Variants in GMEB1 observed in about 807,000 individuals in gnomAD.
GMEB1 encodes glucocorticoid modulatory element-binding protein 1.
Under a neutral mutation model 52.4 loss-of-function variants are expected in GMEB1, and 6 were observed. The ratio of observed to expected loss-of-function variants is 0.11; its 90% CI spans 0.06 to 0.23. The LOEUF is 0.23. GMEB1 is among the 10% of genes least tolerant of loss of function. The pLI is 1.00. For synonymous variants in GMEB1, 255 were observed against 244.9 expected (o/e 1.04, Z -0.38); for missense variants, 486 against 685.6 (o/e 0.71, Z 3.25).
chr1:28,683,532 T>G (rs1352017329), intron 1 of GMEB1, 51 bp from the exon 2 acceptor site: 1 of 1,454,264 alleles, frequency 6.9e-7, no homozygotes, highest in African/African-American at 1.4e-5. Flanking sequence ...CCCGGCCTGT[T>G]GACATCTTTT....
chr1:28,698,755 G>A (rs1468442328), intron 6 of GMEB1, among the ~76,000 whole-genome samples: 2 of 151,834 alleles, frequency 1.3e-5, no homozygotes, highest in East Asian at 1.9e-4. Context: ...AGGCTGAGGC[G>A]GGAGGATCAC....
In GMEB1 at chr1:28,674,882, C is replaced by T. The variant is rs1669076505; in HGVS notation, c.-31+6043C>T. 2.8e-5 allele frequency among the ~76,000 whole-genome samples: 4 copies of T among 144,160 alleles called. No homozygotes were observed. The South Asian group carries it at 8.8e-4, about 32-fold the overall frequency. 94.6% of individuals were successfully genotyped at this position (144,160 alleles called of 152,430 possible). On this transcript the variant is annotated intron_variant, in intron 1 of 9. Coordinates refer to ENST00000373816, the MANE Select transcript of GMEB1 (RefSeq NM_001319674.2). Reference sequence around the variant, plus strand: ...TACAGGCGCCCGCCACTACGCCCGGCTAATTTTTTGTATTTTTAGTAGAGA... The same window carrying T: ...TACAGGCGCCCGCCACTACGCCCGGTTAATTTTTTGTATTTTTAGTAGAGA...
At position 28,714,472 on chromosome 1, in the gene GMEB1, T is replaced by C. The variant is rs1417867796; in HGVS notation, c.1391T>C (p.Leu464Pro). The C allele has an allele frequency of 6.2e-7, 1 of 1,614,096 alleles. No individual in the cohort carries two copies. Among genetic ancestry groups the C allele is most frequent in the Non-Finnish European group, 8.5e-7 (1 of 1,180,026 alleles). ...TIHPSSSLAL[L>P]SSTAMQDGST... ...CACCCTTCATCTAGCTTGGCGCTGCTGAGCTCTACTGCCATGCAGGATGGG... is the reference window on the plus strand; with the variant it reads ...CACCCTTCATCTAGCTTGGCGCTGCCGAGCTCTACTGCCATGCAGGATGGG... The change falls in exon 10 of 10, where the codon CTG (leucine) becomes CCG (proline). Residue 464 changes from leucine (L) to proline (P), a missense_variant. Leu to Pro is a moderately conservative substitution (Grantham distance 98). Coordinates refer to ENST00000373816, the MANE Select transcript of GMEB1 (RefSeq NM_001319674.2).
At chr1:28,694,786 C>T (rs535281654) in intron 5 of GMEB1, among the ~76,000 whole-genome samples, 50 of 151,932 alleles carry the variant, frequency 3.3e-4, no homozygotes, top group African/African-American at 1.1e-3. Context: ...GCCTCAGCTT[C>T]CTGTGTAGCT....
In GMEB1 at chr1:28,704,278, C is replaced by A. The variant is rs1288193016; in HGVS notation, c.817C>A (p.Leu273Ile). The part of the protein sequence containing the change: ...VCNIQKEIEE[L>I]LRGVQQRLIQ... ...CAATATACAGAAGGAAATAGAGGAG[C>A]TACTCAGGGGAGTTCAGCAGCGGCT... Residue 273 changes from leucine to isoleucine, a missense_variant, in exon 8 of 10, where the codon CTA (leucine) becomes ATA (isoleucine). Transcript: ENST00000373816. 6 of 1,613,750 alleles carry A rather than the reference C, an allele frequency of 3.7e-6. No homozygotes were observed. Among genetic ancestry groups the A allele is most frequent in the East Asian group, 4.5e-5 (2 of 44,868 alleles).
intron 1 of GMEB1, among the ~76,000 whole-genome samples, chr1:28,672,141 G>T (rs533481780): frequency 8.3e-4 from 125 of 150,644 alleles, no homozygotes; most frequent in African/African-American, 2.8e-3. Context: ...ATATTTTGGG[G>T]TTAGAAAATT....
intron 1 of GMEB1, among the ~76,000 whole-genome samples, chr1:28,670,516 C>T (rs1265828338): frequency 6.6e-6 from 1 of 152,116 alleles, no homozygotes; most frequent in African/African-American, 2.4e-5. Context: ...TTAATAGAGA[C>T]GGGGTTTCAC....
intron 8 of GMEB1, 60 bp from the exon 9 acceptor site, chr1:28,710,460 A>G (rs1185608819): frequency 2.2e-6 from 3 of 1,379,560 alleles, no homozygotes; most frequent in East Asian, 2.6e-5. Flanking sequence ...AAACAGCACA[A>G]TGGAGAGTGG....
At chr1:28,684,781 A>G (rs1358824152) in intron 2 of GMEB1, among the ~76,000 whole-genome samples, 4 of 152,070 alleles carry the variant, frequency 2.6e-5, no homozygotes, top group African/African-American at 7.2e-5. Context: ...GGACGAGTCA[A>G]TAGGTGCAGC....
At chr1:28,672,519 G>A (rs182228216) in intron 1 of GMEB1, among the ~76,000 whole-genome samples, 3 of 151,300 alleles carry the variant, frequency 2.0e-5, no homozygotes, top group Non-Finnish European at 4.4e-5. Context: ...CACCACGCCC[G>A]GCCTACTTTT....
intron 2 of GMEB1, among the ~76,000 whole-genome samples, chr1:28,686,676 C>A (rs973726496): frequency 3.4e-5 from 5 of 146,858 alleles, no homozygotes; most frequent in South Asian, 2.2e-4. Context: ...AGAATGTATT[C>A]TTTTAAGAGA....
At chr1:28,709,844 T>A (rs1670963907) in intron 8 of GMEB1, among the ~76,000 whole-genome samples, 1 of 152,148 alleles carries the variant, frequency 6.6e-6, no homozygotes, top group Non-Finnish European at 1.5e-5. Context: ...CCACCGCTCC[T>A]GGCCTTAAAA....
In GMEB1 at chr1:28,714,234, C is replaced by T. The variant is rs763976493; in HGVS notation, c.1153C>T (p.Pro385Ser). Residue 385 changes from proline to serine, a missense_variant, in exon 10 of 10, where the codon CCT becomes TCT. Coordinates refer to ENST00000373816, the MANE Select transcript of GMEB1 (RefSeq NM_001319674.2). ...CTCCACCACTGTCTTGAGCCCTTCT[C>T]CTCCTGTCCAGCAGCCTCAGTTCAC... is the stretch of plus-strand genomic sequence containing the variant. The part of the protein sequence containing the change: ...PASTTVLSPS[P>S]PVQQPQFTVI... 4 of 1,614,182 alleles carry T rather than the reference C, an allele frequency of 2.5e-6. No homozygotes were observed. In the South Asian group the frequency reaches 3.3e-5, roughly 13 times the overall value.
intron 1 of GMEB1, among the ~76,000 whole-genome samples, chr1:28,681,175 T>C (rs1028890242): frequency 8.5e-5 from 13 of 152,084 alleles, no homozygotes; most frequent in African/African-American, 2.9e-4. Context: ...GAACACAAAC[T>C]CAAACCTAGT....
chr1:28,706,373 G>C (rs1374852764), intron 8 of GMEB1, among the ~76,000 whole-genome samples: 1 of 152,020 alleles, frequency 6.6e-6, no homozygotes, highest in Non-Finnish European at 1.5e-5. Flanking sequence ...GGGAGGCTAA[G>C]GCAGGTGGAT....
chr1:28,669,020 A>C (rs2124428410), intron 1 of GMEB1, among the ~76,000 whole-genome samples, 181 bp downstream of exon 1: 2 of 126,772 alleles, frequency 1.6e-5, no homozygotes, highest in South Asian at 2.8e-4. Flanking sequence ...GAGCGAGCGG[A>C]CGTCGCGGCG....
Position 28,704,276 on chromosome 1 carries a change from A to G in GMEB1, c.815A>G (p.Glu272Gly). 2 of 1,613,848 alleles carry G rather than the reference A, an allele frequency of 1.2e-6. No homozygotes were observed. Among genetic ancestry groups the G allele is most frequent in the South Asian group, 1.1e-5 (1 of 91,054 alleles). Residue 272 changes from glutamate to glycine, a missense_variant, in exon 8 of 10, where the codon GAG (glutamate) becomes GGG (glycine). This residue lies in a region of GMEB1 where 200 missense variants were observed against 253.5 expected (regional missense o/e 0.79). Transcript: ENST00000373816. ...TGCAATATACAGAAGGAAATAGAGG[A>G]GCTACTCAGGGGAGTTCAGCAGCGG... Reference protein sequence around the residue: ...VVCNIQKEIEELLRGVQQRLI... With the variant: ...VVCNIQKEIEGLLRGVQQRLI...
intron 5 of GMEB1, among the ~76,000 whole-genome samples, chr1:28,693,306 C>A (rs1479659347): frequency 6.6e-6 from 1 of 151,738 alleles, no homozygotes; most frequent in Non-Finnish European, 1.5e-5. Context: ...GCAACCTCCG[C>A]CTCCCGGGTT....
rs539429531 is a variant in GMEB1, at chr1:28,679,086, A to G, written c.-30-4497A>G. On this transcript the variant is annotated intron_variant, in intron 1 of 9. Coordinates refer to ENST00000373816, the MANE Select transcript of GMEB1 (RefSeq NM_001319674.2). ...TATTTTTAGCAGAGACGGTTTCACCATGTTGGTCAGGATGGTCTCAATCTC... is the reference window on the plus strand; with the variant it reads ...TATTTTTAGCAGAGACGGTTTCACCGTGTTGGTCAGGATGGTCTCAATCTC... Among the ~76,000 whole-genome samples the G allele has an allele frequency of 6.6e-5, 10 of 150,928 alleles. No homozygotes were observed. In the East Asian group the frequency reaches 1.9e-3, roughly 29 times the overall value.
Sources: gnomAD v4.1 joint callset for allele counts (sites outside exome capture counted in the v4.1 genomes callset) on GRCh38, gnomAD v4.1.1 for gene constraint, gnomAD v4.1.1 regional missense constraint, MANE v1.5 for transcripts, NCBI Gene and HGNC (gene_info 2026-07-23, HGNC 2026-07-21) for gene names.